The following UBE2E2 variants were observed in gnomAD, a reference collection of about 807,000 sequenced individuals.
The protein encoded by UBE2E2 is ubiquitin-conjugating enzyme E2 E2.
In UBE2E2, 6 loss-of-function variants were observed where a neutral mutation model predicts 24.7. That is an observed-to-expected ratio of 0.24 (90% CI 0.13 to 0.48). The LOEUF (loss-of-function observed/expected upper bound fraction) is 0.48. UBE2E2 is among the 20% of genes least tolerant of loss of function. The pLI is 0.99. For synonymous variants in UBE2E2, 104 were observed against 83.6 expected, an observed-to-expected ratio of 1.24 and a Z score of -1.33; for missense variants, 169 against 245.0, an observed-to-expected ratio of 0.69 and a Z score of 2.07.
At chr3:23,460,390 T>C (rs1391933039) in intron 3 of UBE2E2, among the ~76,000 whole-genome samples, 1 of 152,222 alleles carries the variant, frequency 6.6e-6, no homozygotes, top group African/African-American at 2.4e-5. Flanking sequence ...CAGGCTCAAA[T>C]TCTGGCTCTA....
intron 4 of UBE2E2, among the ~76,000 whole-genome samples, chr3:23,513,607 A>G (rs1426588126): frequency 1.3e-5 from 2 of 152,156 alleles, no homozygotes; most frequent in South Asian, 2.1e-4. Context: ...TGATGTATGC[A>G]TGTTCAATTT....
intron 3 of UBE2E2, among the ~76,000 whole-genome samples, chr3:23,479,087 A>T (rs1037989841): frequency 1.1e-4 from 16 of 152,122 alleles, no homozygotes; most frequent in Admixed American, 7.9e-4. Flanking sequence ...CTTCTGTGGT[A>T]GGTGGTGCCT....
intron 3 of UBE2E2, among the ~76,000 whole-genome samples, chr3:23,436,120 C>T (rs1469359532): frequency 1.3e-5 from 2 of 152,240 alleles, no homozygotes; most frequent in Admixed American, 6.5e-5. Flanking sequence ...GCTGTGCGGC[C>T]CAGTTCCTAA....
At chr3:23,226,293 A>G (rs1397902279) in intron 3 of UBE2E2, among the ~76,000 whole-genome samples, 4 of 152,180 alleles carry the variant, frequency 2.6e-5, no homozygotes, top group Non-Finnish European at 4.4e-5. Flanking sequence ...ATTAGAAACA[A>G]TGTCTGTATG....
At chr3:23,337,636 G>T (rs1050552496) in intron 3 of UBE2E2, among the ~76,000 whole-genome samples, 4 of 152,166 alleles carry the variant, frequency 2.6e-5, no homozygotes, top group African/African-American at 9.7e-5. Flanking sequence ...GAGTTAGCAG[G>T]ACTAAGGCGG....
chr3:23,416,368 G>A (rs1697632084), intron 3 of UBE2E2, among the ~76,000 whole-genome samples: 2 of 152,240 alleles, frequency 1.3e-5, no homozygotes, highest in South Asian at 2.1e-4. Flanking sequence ...TAAGAATGTT[G>A]GATACTGGCG....
chr3:23,441,453 G>A (rs1334841802), intron 3 of UBE2E2, among the ~76,000 whole-genome samples: 1 of 151,276 alleles, frequency 6.6e-6, no homozygotes, highest in African/African-American at 2.4e-5. Flanking sequence ...GCCAGGGAAT[G>A]GCGTGAACCC....
chr3:23,507,649 C>G (rs1348122101), intron 4 of UBE2E2, among the ~76,000 whole-genome samples: 2 of 152,170 alleles, frequency 1.3e-5, no homozygotes, highest in Non-Finnish European at 2.9e-5. Flanking sequence ...TAAACTGAGC[C>G]TTTTATCTCC....
At chr3:23,273,982 T>C (rs2125365951) in intron 3 of UBE2E2, 1 of 152,348 alleles carries the variant, frequency 6.6e-6, no homozygotes, top group East Asian at 1.9e-4. Context: ...TCTTACTGAC[T>C]GAATCATTAT....
chr3:23,551,438 T>C (rs979867800), intron 5 of UBE2E2, among the ~76,000 whole-genome samples: 2 of 152,228 alleles, frequency 1.3e-5, no homozygotes, highest in African/African-American at 2.4e-5. Flanking sequence ...GAAACTTATG[T>C]TGGCTCTATA....
At chr3:23,553,711 T>A (rs939189279) in intron 5 of UBE2E2, among the ~76,000 whole-genome samples, 1 of 152,102 alleles carries the variant, frequency 6.6e-6, no homozygotes, top group African/African-American at 2.4e-5. Flanking sequence ...GGATATAAAA[T>A]TTAAAATCTA....
chr3:23,371,215 A>G (rs1696391502), intron 3 of UBE2E2, among the ~76,000 whole-genome samples: 1 of 151,994 alleles, frequency 6.6e-6, no homozygotes, highest in Non-Finnish European at 1.5e-5. Context: ...TTTTTTGTAG[A>G]GATGGTAGTC....
chr3:23,264,999 G>A (rs185173318), intron 3 of UBE2E2, among the ~76,000 whole-genome samples: 33 of 152,246 alleles, frequency 2.2e-4, no homozygotes, highest in Middle Eastern at 3.4e-3. Flanking sequence ...TAGTAATAGC[G>A]TCAGTAGAGT....
At chr3:23,251,760 A>G (rs1215762836) in intron 3 of UBE2E2, among the ~76,000 whole-genome samples, 1 of 152,180 alleles carries the variant, frequency 6.6e-6, no homozygotes, top group Non-Finnish European at 1.5e-5. Flanking sequence ...TTATAAAATT[A>G]TAATAATCTC....
At chr3:23,335,494 T>G (rs949075921) in intron 3 of UBE2E2, among the ~76,000 whole-genome samples, 17 of 152,224 alleles carry the variant, frequency 1.1e-4, no homozygotes, top group Non-Finnish European at 2.2e-4. Context: ...TTAATGCATC[T>G]TGAATTTTAT....
At chr3:23,463,078 T>C (rs78658781) in intron 3 of UBE2E2, among the ~76,000 whole-genome samples, 1 of 152,292 alleles carries the variant, frequency 6.6e-6, no homozygotes, top group African/African-American at 2.4e-5. Flanking sequence ...ATATCCACGC[T>C]AAAAGGAGAT....
intron 3 of UBE2E2, among the ~76,000 whole-genome samples, chr3:23,233,256 G>A (rs756334952): frequency 6.6e-6 from 1 of 152,200 alleles, no homozygotes; most frequent in Non-Finnish European, 1.5e-5. Flanking sequence ...AATAGTATCA[G>A]TCTTTTTAGT....
intron 3 of UBE2E2, among the ~76,000 whole-genome samples, chr3:23,392,182 G>A (rs1004043491): frequency 1.3e-5 from 2 of 152,250 alleles, no homozygotes; most frequent in South Asian, 2.1e-4. Flanking sequence ...AGAATGGAAA[G>A]CCCTCTTTTA....
chr3:23,276,455 T>G (rs192508034), intron 3 of UBE2E2, among the ~76,000 whole-genome samples: 3 of 152,268 alleles, frequency 2.0e-5, no homozygotes, highest in Admixed American at 1.3e-4. Context: ...TCCCTTTCAT[T>G]TACCTTCTTT....
Sources: gnomAD v4.1 joint callset for allele counts (sites outside exome capture counted in the v4.1 genomes callset) on GRCh38, gnomAD v4.1.1 for gene constraint, MANE v1.5 for transcripts, NCBI Gene and HGNC (gene_info 2026-07-23, HGNC 2026-07-21) for gene names.